SOAT1: variants seen among roughly 807,000 people sequenced by gnomAD.
The protein encoded by SOAT1 is acyl-coenzyme A:cholesterol acyltransferase 1.
A neutral mutation model predicts 69.5 loss-of-function variants in SOAT1; 55 were observed. That is an observed-to-expected ratio of 0.79 (90% CI 0.64 to 0.99). SOAT1 has a LOEUF of 0.99. Among genes scored for constraint, SOAT1 ranks in the 50% least tolerant of loss-of-function variants. The pLI is 0.00. For synonymous variants in SOAT1, 231 were observed against 224.7 expected (o/e 1.03, Z -0.25); for missense variants, 580 against 669.3 (o/e 0.87, Z 1.47).
At chr1:179,326,759 T>C (rs973973851) in intron 3 of SOAT1, among the ~76,000 whole-genome samples, 2 of 152,028 alleles carry the variant, frequency 1.3e-5, no homozygotes, top group Non-Finnish European at 2.9e-5. Flanking sequence ...GGTTTCACCA[T>C]GTTGGCCAGA....
At chr1:179,338,460 T>G (rs542857793) in intron 5 of SOAT1, among the ~76,000 whole-genome samples, 2 of 152,202 alleles carry the variant, frequency 1.3e-5, no homozygotes, top group Non-Finnish European at 2.9e-5. Flanking sequence ...AGACATCTTA[T>G]GCTTATCAAA....
At chr1:179,342,546 T>C (rs1666378489) in intron 8 of SOAT1, among the ~76,000 whole-genome samples, 1 of 152,120 alleles carries the variant, frequency 6.6e-6, no homozygotes. Context: ...TTTTAAAAAA[T>C]TGATTATCTT....
Position 179,355,323 on chromosome 1 carries a change from T to C in SOAT1, c.*1682T>C, listed in dbSNP as rs1201723468. On this transcript the variant is annotated 3_prime_UTR_variant, in exon 16 of 16. Transcript: ENST00000367619. ...CGAATTTTTATTTTGAATTTATAAC[T>C]GCATTTTAAATATATTGGGGACAGA... 1.3e-5 allele frequency: 2 copies of C among 152,230 alleles called. No homozygotes were observed. Among genetic ancestry groups the C allele is most frequent in the African/African-American group, 4.8e-5 (2 of 41,460 alleles). The allele number at this position is 152,230 out of a possible 1,614,324, so 9.4% of individuals were successfully genotyped here. A position where few individuals can be genotyped will look rare whatever the true frequency, so the allele number is the denominator to read the frequency against.
chr1:179,303,529 G>A (rs545353690), intron 2 of SOAT1, among the ~76,000 whole-genome samples: 1 of 152,312 alleles, frequency 6.6e-6, no homozygotes, highest in South Asian at 2.1e-4. Flanking sequence ...AATAGGTGCG[G>A]AACCTTCTGA....
At chr1:179,341,795 A>C (rs1444109507) in intron 7 of SOAT1, among the ~76,000 whole-genome samples, 1 of 152,118 alleles carries the variant, frequency 6.6e-6, no homozygotes, top group Non-Finnish European at 1.5e-5. Context: ...GGCCTCCCAA[A>C]GTGCTGAGAT....
chr1:179,316,141 T>C (rs1387089063), intron 2 of SOAT1, among the ~76,000 whole-genome samples: 1 of 152,208 alleles, frequency 6.6e-6, no homozygotes, highest in Non-Finnish European at 1.5e-5. Context: ...ATCAGCTCAG[T>C]ATTTTCCTGC....
intron 12 of SOAT1, 63 bp from the exon 13 acceptor site, chr1:179,348,781 T>A (rs751629975): frequency 1.6e-4 from 20 of 122,576 alleles, no homozygotes; most frequent in African/African-American, 9.2e-4. Flanking sequence ...TGTGTGTGTG[T>A]GTGTGTGTGT....
chr1:179,353,704 C>A lies in SOAT1; in HGVS notation c.*63C>A. Reference sequence around the variant, plus strand: ...GGGTAGCTCCCTGATTTGGAGCCAGCTGTTTCCAGTTGTTACTGAAGTTAT... The same window carrying A: ...GGGTAGCTCCCTGATTTGGAGCCAGATGTTTCCAGTTGTTACTGAAGTTAT... On this transcript the variant is annotated 3_prime_UTR_variant, in exon 16 of 16. Coordinates refer to ENST00000367619, the MANE Select transcript of SOAT1 (RefSeq NM_003101.6). 1 of 1,358,090 alleles carries A rather than the reference C, an allele frequency of 7.4e-7. No individual in the cohort carries two copies. Among genetic ancestry groups the A allele is most frequent in the Non-Finnish European group, 1.1e-6 (1 of 949,888 alleles). 84.1% of individuals were successfully genotyped at this position (1,358,090 alleles called of 1,614,324 possible).
At chr1:179,353,002 G>A (rs1418902543) in intron 15 of SOAT1, among the ~76,000 whole-genome samples, 1 of 149,064 alleles carries the variant, frequency 6.7e-6, no homozygotes, top group Non-Finnish European at 1.5e-5. Flanking sequence ...CTTTTGTAGT[G>A]CTTCATTTGC....
chr1:179,328,126 G>T (rs1433612989), intron 3 of SOAT1, among the ~76,000 whole-genome samples: 2 of 152,080 alleles, frequency 1.3e-5, no homozygotes, highest in African/African-American at 2.4e-5. Context: ...CAGAAACAAG[G>T]TCTCACTATG....
intron 1 of SOAT1, among the ~76,000 whole-genome samples, chr1:179,297,230 C>G (rs182969786): frequency 1.3e-5 from 2 of 152,334 alleles, no homozygotes; most frequent in Non-Finnish European, 2.9e-5. Flanking sequence ...CCTCAACTTA[C>G]TGGCGGTGTA....
chr1:179,323,761 A>T (rs183583227), intron 3 of SOAT1, among the ~76,000 whole-genome samples: 1 of 152,144 alleles, frequency 6.6e-6, no homozygotes, highest in Admixed American at 6.5e-5. Context: ...TTAACAGTTG[A>T]TAGCGTTGAA....
chr1:179,348,986 T>G (rs780006809), intron 13 of SOAT1, 44 bp downstream of exon 13: 15 of 1,058,782 alleles, frequency 1.4e-5, no homozygotes, highest in Non-Finnish European at 2.2e-5. Flanking sequence ...GAAATGGAGA[T>G]TCTTTTTCAG....
At chr1:179,348,763 TGTGTGTG>T (rs1666618030) in intron 12 of SOAT1, 74 bp from the exon 13 acceptor site, 1 of 10,004 alleles carries the variant, frequency 1.0e-4, no homozygotes, top group African/African-American at 3.7e-4. Context: ...GGGTGGGATG[TGTGTGTG>T]TGTGTGTGTG....
At position 179,355,030 on chromosome 1, in the gene SOAT1, A is replaced by G. The variant is rs1666862938; in HGVS notation, c.*1389A>G. On this transcript the variant is annotated 3_prime_UTR_variant, in exon 16 of 16. Transcript: ENST00000367619. Reference sequence around the variant, plus strand: ...TAAGTAGAGTTTCTTAATAGTCACAACTTAATTTGAACCACAAGTATCCAG... The same window carrying G: ...TAAGTAGAGTTTCTTAATAGTCACAGCTTAATTTGAACCACAAGTATCCAG... 4 of 152,222 alleles carry G rather than the reference A, an allele frequency of 2.6e-5. No individual in the cohort carries two copies. The highest frequency in any genetic ancestry group is 2.0e-4 in the Admixed American group (3 of 15,270). The allele number at this position is 152,222 out of a possible 1,614,324, so 9.4% of individuals were successfully genotyped here.
At chr1:179,320,881 A>G (rs2124961509) in intron 2 of SOAT1, among the ~76,000 whole-genome samples, 1 of 150,964 alleles carries the variant, frequency 6.6e-6, no homozygotes, top group Non-Finnish European at 1.5e-5. Context: ...CTACAGGCGC[A>G]CGCCACCACG....
intron 1 of SOAT1, among the ~76,000 whole-genome samples, chr1:179,299,244 G>T (rs1664752775): frequency 6.6e-6 from 1 of 152,170 alleles, no homozygotes. Context: ...TTGAATTCTA[G>T]TTCTGCTGTT....
At chr1:179,302,587 C>T in intron 1 of SOAT1, 90 bp from the exon 2 acceptor site, 8 of 741,710 alleles carry the variant, frequency 1.1e-5, no homozygotes, top group African/African-American at 9.0e-5. Context: ...ACAGTTAAAC[C>T]TCTTTCCTTT....
At chr1:179,338,028 G>GCT in intron 5 of SOAT1, 132 bp downstream of exon 5, 1 of 506,054 alleles carries the variant, frequency 2.0e-6, no homozygotes, top group East Asian at 3.3e-5. Context: ...TTTCTTCTAT[G>GCT]CTCTCTCTTG....
Sources: allele counts gnomAD v4.1 joint callset (sites outside exome capture counted in the v4.1 genomes callset), GRCh38; gene constraint gnomAD v4.1.1; transcripts MANE v1.5; gene names NCBI Gene and HGNC (gene_info 2026-07-23, HGNC 2026-07-21).